The following FAM13C variants were observed in gnomAD, a reference collection of about 807,000 sequenced individuals.
The protein encoded by FAM13C is protein FAM13C.
Under a neutral mutation model 73.2 loss-of-function variants are expected in FAM13C, and 37 were observed. The observed-to-expected ratio is 0.51, with a 90% CI of 0.39 to 0.67. The LOEUF (loss-of-function observed/expected upper bound fraction) is 0.67, where lower values mean the gene tolerates loss of function less well. Among genes scored for constraint, FAM13C ranks in the 30% least tolerant of loss-of-function variants. The pLI, the probability that FAM13C is intolerant of heterozygous loss-of-function variation, is 0.00. For missense variants in FAM13C, 589 were observed against 715.6 expected, an observed-to-expected ratio of 0.82 and a Z score of 2.02; for synonymous variants, 246 against 260.9, an observed-to-expected ratio of 0.94 and a Z score of 0.55.
In FAM13C at chr10:59,304,109, C is replaced by T. The variant is rs1273934359; in HGVS notation, c.444-1245G>A. On this transcript the variant is annotated intron_variant, in intron 4 of 13. Coordinates refer to ENST00000618804, the MANE Select transcript of FAM13C (RefSeq NM_198215.4). ...GTTGCAATAAGCTGAGATTGCGTCA[C>T]TGCACTCCAGCCTGAGCGACGGAGT... is the stretch of plus-strand genomic sequence containing the variant. 2.0e-5 allele frequency among the ~76,000 whole-genome samples: 3 copies of T among 152,136 alleles called. No individual in the cohort carries two copies. The South Asian group carries it at 6.2e-4, about 32-fold the overall frequency.
chr10:59,261,371 G>A (rs1224515017), intron 10 of FAM13C, among the ~76,000 whole-genome samples: 2 of 152,020 alleles, frequency 1.3e-5, no homozygotes, highest in Non-Finnish European at 2.9e-5. Flanking sequence ...ACTAATCCAG[G>A]GGCATATGTT....
At chr10:59,357,153 T>C (rs114797045) in intron 1 of FAM13C, among the ~76,000 whole-genome samples, 2 of 152,216 alleles carry the variant, frequency 1.3e-5, no homozygotes, top group African/African-American at 4.8e-5. Context: ...CTTCACCTTG[T>C]GATCATGTGA....
intron 2 of FAM13C, among the ~76,000 whole-genome samples, chr10:59,355,420 ATCAACT>A (rs1855577267): frequency 6.6e-6 from 1 of 152,232 alleles, no homozygotes; most frequent in African/African-American, 2.4e-5. Context: ...GAAAGGAAAC[ATCAACT>A]TCCTTTCAGT....
At chr10:59,347,772 G>A (rs1413875016) in intron 3 of FAM13C, among the ~76,000 whole-genome samples, 1 of 151,264 alleles carries the variant, frequency 6.6e-6, no homozygotes, top group African/African-American at 2.4e-5. Flanking sequence ...GTGAGAACAT[G>A]CAGTGTTTGG....
At chr10:59,329,171 G>A (rs1851590909) in intron 3 of FAM13C, among the ~76,000 whole-genome samples, 1 of 151,982 alleles carries the variant, frequency 6.6e-6, no homozygotes, top group Non-Finnish European at 1.5e-5. Flanking sequence ...AACCAAGAGA[G>A]CAGTTTCTTC....
intron 3 of FAM13C, among the ~76,000 whole-genome samples, chr10:59,329,510 C>A (rs1851679588): frequency 6.6e-6 from 1 of 151,876 alleles, no homozygotes; most frequent in Admixed American, 6.6e-5. Flanking sequence ...CAGGTCCCAC[C>A]ACCATGCCCA....
intron 12 of FAM13C, among the ~76,000 whole-genome samples, 177 bp from the exon 13 acceptor site, chr10:59,251,853 C>A (rs1434996952): frequency 2.6e-5 from 4 of 151,904 alleles, no homozygotes; most frequent in African/African-American, 7.3e-5. Context: ...AGCACATAAG[C>A]AGGGAAAATT....
At chr10:59,277,230 G>C (rs563767564) in intron 6 of FAM13C, among the ~76,000 whole-genome samples, 1 of 152,136 alleles carries the variant, frequency 6.6e-6, no homozygotes, top group African/African-American at 2.4e-5. Context: ...AGCTCTGATA[G>C]AATATACTGA....
At chr10:59,278,185 A>G (rs139594371) in intron 6 of FAM13C, among the ~76,000 whole-genome samples, 84 of 152,264 alleles carry the variant, frequency 5.5e-4, no homozygotes, top group African/African-American at 1.9e-3. Context: ...TGCCCCCATG[A>G]TTCAATTACC....
rs1850255076 is a variant in FAM13C, at chr10:59,321,431, C to CTTTTTTTTTTTTTTTTTTTTTTTTTTTTT, written c.443+2556_443+2557insAAAAAAAAAAAAAAAAAAAAAAAAAAAAA. Among the ~76,000 whole-genome samples the CTTTTTTTTTTTTTTTTTTTTTTTTTTTTT allele has an allele frequency of 2.7e-5, 3 of 109,856 alleles. 1 individual carries two copies. Among genetic ancestry groups the CTTTTTTTTTTTTTTTTTTTTTTTTTTTTT allele is most frequent in the African/African-American group, 3.5e-5 (1 of 28,920 alleles). The allele number at this position is 109,856 out of a possible 152,430, so 72.1% of individuals were successfully genotyped here. A position where few individuals can be genotyped will look rare whatever the true frequency, so the allele number is the denominator to read the frequency against. On this transcript the variant is annotated intron_variant, in intron 4 of 13. Transcript: ENST00000618804. Reference sequence around the variant, plus strand: ...AGAAAGGAATGGAGCCCTGCCAACACCTTTTTTTTTTTTTTTTTTTTTTTT... The same window carrying CTTTTTTTTTTTTTTTTTTTTTTTTTTTTT: ...AGAAAGGAATGGAGCCCTGCCAACACTTTTTTTTTTTTTTTTTTTTTTTTTTTTTCTTTTTTTTTTTTTTTTTTTTTTTT...
intron 6 of FAM13C, among the ~76,000 whole-genome samples, chr10:59,274,352 A>T (rs1844084012): frequency 6.6e-6 from 1 of 152,196 alleles, no homozygotes; most frequent in South Asian, 2.1e-4. Flanking sequence ...GCGAGAAAAC[A>T]GATGAGCTTC....
intron 3 of FAM13C, among the ~76,000 whole-genome samples, chr10:59,338,510 A>G (rs996099191): frequency 1.3e-5 from 2 of 152,190 alleles, no homozygotes; most frequent in Non-Finnish European, 2.9e-5. Flanking sequence ...ATTGATAATA[A>G]AACTAACATC....
chr10:59,334,567 A>G (rs284644), intron 3 of FAM13C, among the ~76,000 whole-genome samples: 35,124 of 152,076 alleles, frequency 0.23, 4,163 homozygotes, highest in Non-Finnish European at 0.25. Flanking sequence ...ACCATGGAAT[A>G]CTGTGCAGCC....
chr10:59,331,591 A>T (rs772780036), intron 3 of FAM13C, among the ~76,000 whole-genome samples: 23 of 152,148 alleles, frequency 1.5e-4, no homozygotes, highest in Non-Finnish European at 2.8e-4. Context: ...GCATGTTCAG[A>T]TTTGCACTGG....
Position 59,318,554 on chromosome 10 carries a change from A to G in FAM13C, c.443+5434T>C, listed in dbSNP as rs151220358. ...TTCCTTATGTTAGAGGAGGGGGCCC[A>G]GAAATTTGAGTGAAATGACCATGGT... On this transcript the variant is annotated intron_variant, in intron 4 of 13. Transcript: ENST00000618804. Among the ~76,000 whole-genome samples, 1,035 of 152,284 alleles carry G rather than the reference A, an allele frequency of 6.8e-3. 4 individuals are homozygous for G. Among genetic ancestry groups the G allele is most frequent in the Non-Finnish European group, 0.011 (767 of 68,016 alleles).
intron 3 of FAM13C, among the ~76,000 whole-genome samples, chr10:59,337,017 C>A (rs1852808563): frequency 6.6e-6 from 1 of 152,134 alleles, no homozygotes; most frequent in African/African-American, 2.4e-5. Context: ...GCTTAGAAAA[C>A]CTCCCTCCTC....
chr10:59,302,999 A>G (rs1288342133), intron 4 of FAM13C, 135 bp from the exon 5 acceptor site: 2 of 701,600 alleles, frequency 2.9e-6, no homozygotes, highest in Non-Finnish European at 4.8e-6. Flanking sequence ...GTAGAATAAA[A>G]TACAGACTCC....
chr10:59,254,288 G>A, intron 11 of FAM13C, 60 bp downstream of exon 11: 6 of 1,123,086 alleles, frequency 5.3e-6, no homozygotes, highest in South Asian at 1.6e-5. Context: ...GTACTACTAT[G>A]TGACATCCTG....
rs371335924 is a variant in FAM13C at position 59,257,567 on chromosome 10, G to A, written c.1237-3124C>T. On this transcript the variant is annotated intron_variant, in intron 10 of 13. Transcript: ENST00000618804. ...TTCTCTTCTCTGGACAGTGAGCAATGGAAAACATGCTTCTTAGCTTTAGGG... is the reference window on the plus strand; with the variant it reads ...TTCTCTTCTCTGGACAGTGAGCAATAGAAAACATGCTTCTTAGCTTTAGGG... Among the ~76,000 whole-genome samples the A allele has an allele frequency of 1.4e-4, 21 of 152,318 alleles. No homozygotes were observed. The East Asian group carries it at 3.3e-3, about 24-fold the overall frequency.
Sources: allele counts gnomAD v4.1 joint callset (sites outside exome capture counted in the v4.1 genomes callset), GRCh38; gene constraint gnomAD v4.1.1; transcripts MANE v1.5; gene names NCBI Gene and HGNC (gene_info 2026-07-23, HGNC 2026-07-21).